ZNF626: variants seen among roughly 807,000 people sequenced by gnomAD.
ZNF626 encodes the protein zinc finger protein 626, also known as CTC-513N18.7.
ZNF626 carries 4 observed loss-of-function variants against 11.7 expected under a neutral mutation model. That is an observed-to-expected ratio of 0.34 (90% CI 0.17 to 0.78). The LOEUF is 0.78. ZNF626 is among the 30% of genes least tolerant of loss of function. ZNF626 has a pLI of 0.57. For synonymous variants in ZNF626, 179 were observed against 198.6 expected, an observed-to-expected ratio of 0.90 and a Z score of 0.83; for missense variants, 588 against 587.1, an observed-to-expected ratio of 1.00 and a Z score of -0.01.
Position 20,647,703 on chromosome 19 carries a change from G to A in ZNF626, c.4-1298C>T, listed in dbSNP as rs954595921. On this transcript the variant is annotated intron_variant, in intron 1 of 3. Coordinates refer to ENST00000601440, the MANE Select transcript of ZNF626 (RefSeq NM_001076675.3). ...GGGTTTCACCGTGTTAGCCGGGATG[G>A]TCTCGATCTCCTGACCTCGTGATCC... Among the ~76,000 whole-genome samples, 41 of 151,938 alleles carry A rather than the reference G, an allele frequency of 2.7e-4. 1 individual carries two copies. The highest frequency in any genetic ancestry group is 9.8e-4 in the Admixed American group (15 of 15,252).
chr19:20,627,416 G>T (rs1054520480), intron 3 of ZNF626, among the ~76,000 whole-genome samples: 19 of 151,556 alleles, frequency 1.3e-4, no homozygotes, highest in African/African-American at 4.4e-4. Flanking sequence ...ATCTCCCAAA[G>T]TACCACTAAG....
At chr19:20,625,794 CA>C in intron 3 of ZNF626, 144 bp from the exon 4 acceptor site, 1 of 911,414 alleles carries the variant, frequency 1.1e-6, no homozygotes, top group South Asian at 3.1e-5. Flanking sequence ...TCTTCCTGGA[CA>C]TATGAATTTA....
chr19:20,630,616 G>A (rs1489881632), intron 3 of ZNF626, among the ~76,000 whole-genome samples: 19 of 150,402 alleles, frequency 1.3e-4, no homozygotes, highest in African/African-American at 2.2e-4. Flanking sequence ...CTGTGGGATC[G>A]GTGGTGATAT....
At chr19:20,632,346 T>A (rs186005113) in intron 3 of ZNF626, among the ~76,000 whole-genome samples, 2 of 152,318 alleles carry the variant, frequency 1.3e-5, no homozygotes, top group African/African-American at 4.8e-5. Context: ...CCTTGCTAGA[T>A]TGGGGAAGTT....
chr19:20,656,430 C>T (rs274809), intron 1 of ZNF626, among the ~76,000 whole-genome samples: 74,794 of 151,906 alleles, frequency 0.49, 20,749 homozygotes, highest in African/African-American at 0.75. Flanking sequence ...AAAGCAAAAA[C>T]TGACAAATTG....
intron 1 of ZNF626, among the ~76,000 whole-genome samples, chr19:20,651,019 T>A (rs782385569): frequency 4.6e-5 from 7 of 151,896 alleles, no homozygotes; most frequent in Non-Finnish European, 8.8e-5. Flanking sequence ...AAACCCCGTC[T>A]CTACTAAAAT....
chr19:20,661,312 A>G (rs1380379981), intron 1 of ZNF626, 132 bp downstream of exon 1: 23 of 1,256,340 alleles, frequency 1.8e-5, no homozygotes, highest in Middle Eastern at 3.7e-4. Context: ...ACTGAGGCCG[A>G]GCTGAGCAAG....
intron 3 of ZNF626, among the ~76,000 whole-genome samples, chr19:20,639,989 A>G (rs1004817656): frequency 3.3e-4 from 50 of 152,224 alleles, no homozygotes; most frequent in African/African-American, 1.1e-3. Context: ...TAAACTGATG[A>G]AAGAACAGAA....
chr19:20,626,071 G>A (rs1969828296), intron 3 of ZNF626, among the ~76,000 whole-genome samples: 1 of 150,858 alleles, frequency 6.6e-6, no homozygotes. Flanking sequence ...GACCATCTTG[G>A]CAAAGATGAT....
Position 20,654,849 on chromosome 19 carries a change from G to A in ZNF626, c.3+6595C>T, listed in dbSNP as rs190247562. ...TTAGAAAATACTGTTTATGGCTCAC[G>A]CCTGTAATCCCAGCACTTTGGGAGG... On this transcript the variant is annotated intron_variant, in intron 1 of 3. Transcript: ENST00000601440. 1.3e-4 allele frequency among the ~76,000 whole-genome samples: 19 copies of A among 151,320 alleles called. 1 individual carries two copies. Among genetic ancestry groups the A allele is most frequent in the African/African-American group, 4.6e-4 (19 of 41,234 alleles).
chr19:20,640,294 A>T (rs1279516607), intron 3 of ZNF626, among the ~76,000 whole-genome samples: 6 of 148,994 alleles, frequency 4.0e-5, no homozygotes, highest in Non-Finnish European at 5.9e-5. Context: ...GTTTAATAAA[A>T]TAACTAACAA....
chr19:20,641,126 A>AC (rs1970020094), intron 3 of ZNF626, among the ~76,000 whole-genome samples: 1 of 122,148 alleles, frequency 8.2e-6, no homozygotes. Flanking sequence ...ACAGAGTGAG[A>AC]CTCCATCTCA....
intron 3 of ZNF626, 26 bp downstream of exon 3, chr19:20,645,658 T>C: frequency 1.2e-6 from 2 of 1,601,896 alleles, no homozygotes; most frequent in Non-Finnish European, 8.5e-7. Context: ...GTGTCATCTG[T>C]TGTATTCATT....
intron 1 of ZNF626, among the ~76,000 whole-genome samples, chr19:20,658,035 C>A (rs1014171209): frequency 2.0e-5 from 3 of 151,654 alleles, no homozygotes; most frequent in South Asian, 2.1e-4. Context: ...ATCTGCACTT[C>A]AAACCCCCAT....
chr19:20,632,607 C>T (rs1334298671), intron 3 of ZNF626, among the ~76,000 whole-genome samples: 17 of 152,234 alleles, frequency 1.1e-4, no homozygotes, highest in Admixed American at 3.3e-4. Context: ...GCATTCGTCA[C>T]ATAGCTCTCG....
chr19:20,640,555 T>C (rs981022729), intron 3 of ZNF626, among the ~76,000 whole-genome samples: 24 of 150,594 alleles, frequency 1.6e-4, no homozygotes, highest in Admixed American at 2.0e-4. Flanking sequence ...CAATGATGAA[T>C]AACTTAATTT....
At chr19:20,645,102 C>G (rs1322000946) in intron 3 of ZNF626, 5 of 423,486 alleles carry the variant, frequency 1.2e-5, no homozygotes, top group Non-Finnish European at 1.4e-5. Context: ...AAATACAATT[C>G]AAAAATTTAC....
intron 1 of ZNF626, among the ~76,000 whole-genome samples, chr19:20,655,942 AAAAAG>A (rs1555773067): frequency 2.6e-5 from 4 of 151,876 alleles, no homozygotes; most frequent in Admixed American, 6.6e-5. Context: ...CTCAAAAAAA[AAAAAG>A]AAAAGAGGGA....
intron 3 of ZNF626, among the ~76,000 whole-genome samples, chr19:20,644,170 C>T (rs10425311): frequency 6.6e-6 from 1 of 151,924 alleles, no homozygotes; most frequent in African/African-American, 2.4e-5. Flanking sequence ...ACTCAGTTTC[C>T]GTTACACGAG....
Sources: allele counts gnomAD v4.1 joint callset (sites outside exome capture counted in the v4.1 genomes callset), GRCh38; gene constraint gnomAD v4.1.1; transcripts MANE v1.5; gene names NCBI Gene and HGNC (gene_info 2026-07-23, HGNC 2026-07-21).